Variants in ADAM22 observed in about 807,000 individuals in gnomAD.
ADAM22 encodes the protein disintegrin and metalloproteinase domain-containing protein 22.
ADAM22 carries 65 observed loss-of-function variants against 144.6 expected under a neutral mutation model. That is an observed-to-expected ratio of 0.45 (90% confidence interval 0.37 to 0.55). ADAM22 has a LOEUF of 0.55. Among genes scored for constraint, ADAM22 ranks in the 20% least tolerant of loss-of-function variants. The pLI, the probability that ADAM22 is intolerant of heterozygous loss-of-function variation, is 0.00. For missense variants in ADAM22, 974 were observed against 1,184.9 expected (o/e 0.82, Z 2.61); for synonymous variants, 391 against 412.6 (o/e 0.95, Z 0.63).
chr7:87,968,657 G>A (rs140062128), intron 2 of ADAM22, among the ~76,000 whole-genome samples: 191 of 152,274 alleles, frequency 1.3e-3, no homozygotes, highest in African/African-American at 4.2e-3. Context: ...AGGAATTTGA[G>A]GTTACAGTGA....
At chr7:88,099,602 A>G (rs912301200) in intron 4 of ADAM22, among the ~76,000 whole-genome samples, 2 of 152,196 alleles carry the variant, frequency 1.3e-5, no homozygotes, top group African/African-American at 2.4e-5. Context: ...CTAGATACTT[A>G]TTATAGTGAA....
intron 5 of ADAM22, among the ~76,000 whole-genome samples, chr7:88,110,409 G>C (rs1825692705): frequency 6.6e-6 from 1 of 151,910 alleles, no homozygotes; most frequent in Middle Eastern, 3.2e-3. Context: ...ATCTTTCTCA[G>C]TACTCGTTCC....
chr7:87,993,181 T>C (rs1790317555), intron 3 of ADAM22, among the ~76,000 whole-genome samples: 1 of 152,226 alleles, frequency 6.6e-6, no homozygotes, highest in Non-Finnish European at 1.5e-5. Context: ...ACTGTGATAC[T>C]GCTGCTGAGT....
chr7:88,155,025 G>T (rs1226856703), intron 21 of ADAM22, among the ~76,000 whole-genome samples: 1 of 152,072 alleles, frequency 6.6e-6, no homozygotes, highest in East Asian at 1.9e-4. Context: ...CAACAGTAAA[G>T]ATATTTTATA....
intron 4 of ADAM22, among the ~76,000 whole-genome samples, chr7:88,089,657 GGA>G (rs1323876935): frequency 6.6e-6 from 1 of 152,090 alleles, no homozygotes; most frequent in African/African-American, 2.4e-5. Context: ...TAAGGCTCTT[GGA>G]TAATACTTAG....
chr7:88,102,654 C>G (rs554093914), intron 4 of ADAM22, among the ~76,000 whole-genome samples: 1 of 152,282 alleles, frequency 6.6e-6, no homozygotes, highest in Admixed American at 6.5e-5. Context: ...TAGGTCTTAC[C>G]TCAGAGCTGC....
At chr7:87,956,146 C>G (rs187315080) in intron 2 of ADAM22, among the ~76,000 whole-genome samples, 112 of 152,280 alleles carry the variant, frequency 7.4e-4, no homozygotes, top group Middle Eastern at 3.4e-3. Flanking sequence ...GTCCTGCACC[C>G]ACTGGCTGGC....
At chr7:88,039,464 A>AAAAAAATATATATATATATATATATATAT in intron 3 of ADAM22, among the ~76,000 whole-genome samples, 2 of 76,376 alleles carry the variant, frequency 2.6e-5, no homozygotes, top group African/African-American at 9.5e-5. Context: ...AAAAAAAAAA[A>AAAAAAATATATATATATATATATATATAT]ATATATATAT....
rs920739379 is a variant in ADAM22 at position 88,153,270 on chromosome 7, G to A, written c.1731G>A (p.Gly577=). 6.2e-7 allele frequency: 1 copy of A among 1,613,432 alleles called. No individual in the cohort carries two copies. Among genetic ancestry groups the A allele is most frequent in the Non-Finnish European group, 8.5e-7 (1 of 1,179,718 alleles). ...GCTATGAGAAACTGAATATTGAAGG[G>A]ACGGAGAAGGGTAACTGTGGGAAAG... is the stretch of plus-strand genomic sequence containing the variant. The part of the protein sequence containing the change: ...KYCYEKLNIE[G]TEKGNCGKDK... Residue 577 remains glycine (G), a synonymous_variant, in exon 21 of 32, where the codon GGG becomes GGA. Transcript: ENST00000413139.
intron 3 of ADAM22, among the ~76,000 whole-genome samples, chr7:88,034,086 T>C (rs994978810): frequency 6.6e-6 from 1 of 152,102 alleles, no homozygotes; most frequent in Non-Finnish European, 1.5e-5. Context: ...CCCCCTTTAC[T>C]CTTCCCTCTG....
chr7:88,169,686 A>C (rs192511608), intron 25 of ADAM22, among the ~76,000 whole-genome samples: 45 of 152,236 alleles, frequency 3.0e-4, no homozygotes, highest in African/African-American at 1.1e-3. Flanking sequence ...GGAGTTATCA[A>C]ATCATATATC....
intron 3 of ADAM22, among the ~76,000 whole-genome samples, chr7:87,985,050 AC>A (rs1854631509): frequency 6.6e-6 from 1 of 150,516 alleles, no homozygotes; most frequent in Admixed American, 6.7e-5. Flanking sequence ...GCGGTGGCTC[AC>A]GCGTGTAATC....
chr7:88,028,780 T>A (rs1001018366), intron 3 of ADAM22, among the ~76,000 whole-genome samples: 1 of 152,116 alleles, frequency 6.6e-6, no homozygotes, highest in Non-Finnish European at 1.5e-5. Context: ...TCTTTTGTAG[T>A]GTTTGTCTTG....
chr7:88,089,679 C>T (rs1819345535), intron 4 of ADAM22, among the ~76,000 whole-genome samples: 1 of 152,120 alleles, frequency 6.6e-6, no homozygotes, highest in South Asian at 2.1e-4. Context: ...GTCACCTAGA[C>T]AGTAATTAAG....
chr7:88,116,173 T>A (rs1468534196), intron 6 of ADAM22, among the ~76,000 whole-genome samples: 1 of 152,234 alleles, frequency 6.6e-6, no homozygotes, highest in African/African-American at 2.4e-5. Flanking sequence ...TTCTAATTTT[T>A]TTTTTTAGTA....
intron 21 of ADAM22, among the ~76,000 whole-genome samples, chr7:88,154,646 T>A (rs1839399584): frequency 6.6e-6 from 1 of 152,166 alleles, no homozygotes; most frequent in Non-Finnish European, 1.5e-5. Context: ...TGAATAAAGA[T>A]CATATCTAAT....
At chr7:88,015,326 T>C (rs2129461186) in intron 3 of ADAM22, among the ~76,000 whole-genome samples, 1 of 152,298 alleles carries the variant, frequency 6.6e-6, no homozygotes, top group Non-Finnish European at 1.5e-5. Flanking sequence ...AAGAGAATAG[T>C]AAAATGCTTA....
chr7:88,014,493 A>G (rs751384368), intron 3 of ADAM22, among the ~76,000 whole-genome samples: 4 of 152,174 alleles, frequency 2.6e-5, no homozygotes, highest in Non-Finnish European at 5.9e-5. Context: ...CTGTAATCCC[A>G]GCACTTTGGG....
chr7:88,107,946 AG>A (rs1824888601), intron 4 of ADAM22, among the ~76,000 whole-genome samples: 1 of 152,180 alleles, frequency 6.6e-6, no homozygotes, highest in South Asian at 2.1e-4. Flanking sequence ...CCTACATAAA[AG>A]AAAGGTCAAG....
Sources: allele counts gnomAD v4.1 joint callset (sites outside exome capture counted in the v4.1 genomes callset), GRCh38; gene constraint gnomAD v4.1.1; transcripts MANE v1.5; gene names NCBI Gene and HGNC (gene_info 2026-07-23, HGNC 2026-07-21).